Variants in TAFA2 observed in about 807,000 individuals in gnomAD.
The protein encoded by TAFA2 is chemokine-like protein TAFA-2.
In TAFA2, 7 loss-of-function variants were observed where a neutral mutation model predicts 18.8. The observed-to-expected ratio is 0.37, with a 90% CI of 0.21 to 0.70. TAFA2 has a LOEUF of 0.70. TAFA2 is among the 30% of genes least tolerant of loss of function. The probability of loss-of-function intolerance (pLI) is 0.53; values close to 1 mark genes in which losing one functional copy is unlikely to be tolerated. For synonymous variants in TAFA2, 60 were observed against 54.2 expected, an observed-to-expected ratio of 1.11 and a Z score of -0.47; for missense variants, 122 against 158.1, an observed-to-expected ratio of 0.77 and a Z score of 1.23.
intron 1 of TAFA2, chr12:62,136,179 G>T (rs940420506): frequency 6.6e-6 from 1 of 152,044 alleles, no homozygotes; most frequent in South Asian, 2.1e-4. Flanking sequence ...AGAAGAAAAG[G>T]TATATTTACT....
intron 2 of TAFA2, among the ~76,000 whole-genome samples, chr12:61,831,739 T>C (rs960055123): frequency 6.6e-6 from 1 of 152,136 alleles, no homozygotes; most frequent in Non-Finnish European, 1.5e-5. Context: ...CTAGGGTACA[T>C]GTGCACAACG....
chr12:62,237,684 A>C (rs1474060505), intron 1 of TAFA2, among the ~76,000 whole-genome samples: 1 of 152,230 alleles, frequency 6.6e-6, no homozygotes, highest in East Asian at 1.9e-4. Context: ...GGATATGTTT[A>C]CCTAGAGATT....
At chr12:61,864,396 G>C (rs1874256907) in intron 2 of TAFA2, among the ~76,000 whole-genome samples, 1 of 146,410 alleles carries the variant, frequency 6.8e-6, no homozygotes, top group Admixed American at 6.8e-5. Context: ...GAAATATATG[G>C]TGTGTATATA....
intron 1 of TAFA2, among the ~76,000 whole-genome samples, chr12:61,939,236 G>T (rs1380938321): frequency 6.6e-6 from 1 of 152,132 alleles, no homozygotes; most frequent in East Asian, 1.9e-4. Context: ...ACATTAATGA[G>T]ATTTGTGTGT....
At chr12:61,941,581 G>A (rs1219476076) in intron 1 of TAFA2, among the ~76,000 whole-genome samples, 2 of 152,214 alleles carry the variant, frequency 1.3e-5, no homozygotes, top group East Asian at 1.9e-4. Flanking sequence ...AGTGGGCGCA[G>A]GCCAGTGGGT....
At chr12:61,714,167 T>G (rs770719644) in intron 4 of TAFA2, among the ~76,000 whole-genome samples, 23 of 152,136 alleles carry the variant, frequency 1.5e-4, no homozygotes, top group Non-Finnish European at 3.1e-4. Flanking sequence ...TATAAAATAC[T>G]GCATGAGGGA....
At chr12:61,888,362 G>A (rs939728455) in intron 1 of TAFA2, among the ~76,000 whole-genome samples, 11 of 152,198 alleles carry the variant, frequency 7.2e-5, no homozygotes, top group Non-Finnish European at 1.5e-4. Context: ...CCATGTTTCT[G>A]GCAAAGGGGG....
chr12:62,055,260 C>A (rs1361978481), intron 1 of TAFA2, among the ~76,000 whole-genome samples: 1 of 152,124 alleles, frequency 6.6e-6, no homozygotes, highest in Non-Finnish European at 1.5e-5. Context: ...ATAAACAACA[C>A]GGTCATTTGT....
intron 4 of TAFA2, among the ~76,000 whole-genome samples, chr12:61,742,654 T>C (rs1221008243): frequency 6.6e-6 from 1 of 152,150 alleles, no homozygotes; most frequent in African/African-American, 2.4e-5. Flanking sequence ...TAGGGAATAA[T>C]AATTTCCAGA....
intron 4 of TAFA2, among the ~76,000 whole-genome samples, chr12:61,713,802 G>A (rs555039091): frequency 3.7e-4 from 57 of 152,060 alleles, no homozygotes; most frequent in African/African-American, 1.4e-3. Context: ...TGGCATGCTG[G>A]GGGGGAAACA....
chr12:62,090,483 G>A (rs17713527), intron 1 of TAFA2, among the ~76,000 whole-genome samples: 17,791 of 152,028 alleles, frequency 0.12, 1,160 homozygotes, highest in Non-Finnish European at 0.14. Context: ...CAGAACAGTT[G>A]GCATCACTTT....
Position 61,812,179 on chromosome 12 carries a change from A to G in TAFA2, c.106+55141T>C, listed in dbSNP as rs1175336793. On this transcript the variant is annotated intron_variant, in intron 2 of 4. Coordinates refer to ENST00000416284, the MANE Select transcript of TAFA2 (RefSeq NM_178539.5). ...ACAGATGCAATTCCTAGAAACCTTA[A>G]AACAAAGCTTACTCTTACAAGAATA... Among the ~76,000 whole-genome samples, 4 of 151,380 alleles carry G rather than the reference A, an allele frequency of 2.6e-5. 1 individual carries two copies. Among genetic ancestry groups the G allele is most frequent in the African/African-American group, 9.8e-5 (4 of 40,694 alleles).
intron 1 of TAFA2, among the ~76,000 whole-genome samples, chr12:62,062,163 G>T (rs1318768087): frequency 6.6e-6 from 1 of 151,932 alleles, no homozygotes; most frequent in Non-Finnish European, 1.5e-5. Context: ...GACAGAGCAA[G>T]ACTCTCTCAA....
rs1204140536 is a variant in TAFA2 at position 61,867,408 on chromosome 12, T to C, written c.18A>G (p.Leu6=). Residue 6 remains leucine, a synonymous_variant, in exon 2 of 5, where the codon TTA becomes TTG. Coordinates refer to ENST00000416284, the MANE Select transcript of TAFA2 (RefSeq NM_178539.5). ...GCAGTTTTCCTTTTGTTGCTTTCTG[T>C]AAGTATCTCTTACTCATCCTGCAAA... is the stretch of plus-strand genomic sequence containing the variant. MSKRY[L]QKATKGKLLI... 4 of 1,580,150 alleles carry C rather than the reference T, an allele frequency of 2.5e-6. No homozygotes were observed. Among genetic ancestry groups the C allele is most frequent in the Non-Finnish European group, 3.5e-6 (4 of 1,151,718 alleles).
intron 1 of TAFA2, among the ~76,000 whole-genome samples, chr12:62,059,081 T>C (rs1409211042): frequency 4.7e-5 from 7 of 150,210 alleles, no homozygotes; most frequent in South Asian, 2.1e-4. Context: ...CCAGCCTGGG[T>C]GACAGACCAA....
At chr12:61,766,393 A>G (rs12816097) in intron 2 of TAFA2, among the ~76,000 whole-genome samples, 15,745 of 152,102 alleles carry the variant, frequency 0.1, 1,066 homozygotes, top group East Asian at 0.19. Context: ...GCATACCTTC[A>G]CATCTCTTTG....
chr12:61,738,208 C>T (rs1014477133), intron 4 of TAFA2, among the ~76,000 whole-genome samples: 5 of 151,664 alleles, frequency 3.3e-5, no homozygotes, highest in South Asian at 4.2e-4. Flanking sequence ...ACAAGTCTTT[C>T]CTGCTGCAAC....
chr12:62,086,338 GTA>G (rs1868452330), intron 1 of TAFA2, among the ~76,000 whole-genome samples: 1 of 152,028 alleles, frequency 6.6e-6, no homozygotes, highest in Non-Finnish European at 1.5e-5. Flanking sequence ...TCAGAGGACA[GTA>G]TCAACAGAGT....
chr12:61,853,689 A>AGT (rs1194471039), intron 2 of TAFA2, among the ~76,000 whole-genome samples: 1 of 152,176 alleles, frequency 6.6e-6, no homozygotes, highest in East Asian at 1.9e-4. Context: ...ATTCCACATC[A>AGT]GTGTGTGGCT....
Sources: allele counts gnomAD v4.1 joint callset (sites outside exome capture counted in the v4.1 genomes callset), GRCh38; gene constraint gnomAD v4.1.1; transcripts MANE v1.5; gene names NCBI Gene and HGNC (gene_info 2026-07-23, HGNC 2026-07-21).